Variants in LEFTY2 observed in about 807,000 individuals in gnomAD.
LEFTY2 encodes the protein left-right determination factor 2.
In LEFTY2, 10 loss-of-function variants were observed where a neutral mutation model predicts 26.4. The ratio of observed to expected loss-of-function variants is 0.38; its 90% confidence interval spans 0.23 to 0.64. LEFTY2 has a LOEUF of 0.64. LEFTY2 is among the 30% of genes least tolerant of loss of function. LEFTY2 has a pLI of 0.56. For synonymous variants in LEFTY2, 204 were observed against 234.1 expected (o/e 0.87, Z 1.17); for missense variants, 407 against 502.1 (o/e 0.81, Z 1.81).
Position 225,937,390 on chromosome 1 carries a change from C to T in LEFTY2, c.*51G>A. 1.9e-6 allele frequency: 3 copies of T among 1,612,630 alleles called. No homozygotes were observed. In the South Asian group the frequency reaches 3.3e-5, roughly 18 times the overall value. On this transcript the variant is annotated 3_prime_UTR_variant, in exon 4 of 4. Transcript: ENST00000366820. ...TATAAAGTTAAGACCTACATTAAGA[C>T]CACCTCTATGCACACGTTCAGTTAG...
rs1672234823 is a variant in LEFTY2, at chr1:225,939,237, T to C, written c.737+124A>G. 2.1e-6 allele frequency: 3 copies of C among 1,448,396 alleles called. No homozygotes were observed. Among genetic ancestry groups the C allele is most frequent in the Non-Finnish European group, 1.9e-6 (2 of 1,061,240 alleles). The allele number at this position is 1,448,396 out of a possible 1,614,324, so 89.7% of individuals were successfully genotyped here. A position where few individuals can be genotyped will look rare whatever the true frequency, so the allele number is the denominator to read the frequency against. ...GGCAATCGCTGGCATCCTGGGACAG[T>C]CTGCACCGCGCTCTCCCTACCCCTA... On this transcript the variant is annotated intron_variant, in intron 3 of 3. Coordinates refer to ENST00000366820, the MANE Select transcript of LEFTY2 (RefSeq NM_003240.5). The surrounding 1 kb of genome is among the most constrained non-coding windows in gnomAD (Gnocchi z 4.1).
In LEFTY2 at chr1:225,939,459, G is replaced by A. The variant is rs780082623; in HGVS notation, c.639C>T (p.Ser213=). The change falls in exon 3 of 4, where the codon TCC becomes TCT. Residue 213 remains serine (S), a synonymous_variant. Transcript: ENST00000366820. This position sits in a 1 kb window ranked among gnomAD's most constrained non-coding sequence, Gnocchi z 4.1. ...CAAAGCGGACCAGCTTGTGGGCGCCGGACGCCAGCGGGCCCAGATGCTCCC... is the reference window on the plus strand; with the variant it reads ...CAAAGCGGACCAGCTTGTGGGCGCCAGACGCCAGCGGGCCCAGATGCTCCC... The part of the protein sequence containing the change: ...VQREHLGPLA[S]GAHKLVRFAS... 118 of 1,610,296 alleles carry A rather than the reference G, an allele frequency of 7.3e-5. No homozygotes were observed. The Admixed American group carries it at 1.7e-3, about 23-fold the overall frequency.
In LEFTY2 at chr1:225,937,212, G is replaced by A. The variant is rs6662343; in HGVS notation, c.*229C>T. 6.5e-3 allele frequency: 4,173 copies of A among 638,486 alleles called. 135 individuals are homozygous for A. The African/African-American group carries it at 0.067, about 10-fold the overall frequency. The allele number at this position is 638,486 out of a possible 1,614,324, so 39.6% of individuals were successfully genotyped here. A position where few individuals can be genotyped will look rare whatever the true frequency, so the allele number is the denominator to read the frequency against. ...CTCAGCTGTATCTTGTAATCAGCAT[G>A]CCAGCATTTCCTACTAGAGCTCAGC... is the stretch of plus-strand genomic sequence containing the variant. On this transcript the variant is annotated 3_prime_UTR_variant, in exon 4 of 4. Transcript: ENST00000366820.
chr1:225,941,045 C>A lies in LEFTY2; in HGVS notation c.96G>T (p.Leu32=), dbSNP rs1208138430. The A allele has an allele frequency of 1.2e-6, 2 of 1,612,116 alleles. No individual in the cohort carries two copies. The highest frequency in any genetic ancestry group is 1.7e-6 in the Non-Finnish European group (2 of 1,179,548). ...LTEEQLLGSL[L]RQLQLSEVPV... Reference sequence around the variant, plus strand: ...GCACCTCGCTGAGCTGCAGCTGCCGCAGCAGGCTGCCCAGGAGCTGCTCCT... The same window carrying A: ...GCACCTCGCTGAGCTGCAGCTGCCGAAGCAGGCTGCCCAGGAGCTGCTCCT... Residue 32 remains leucine, a synonymous_variant, in exon 1 of 4, where the codon CTG becomes CTT. Coordinates refer to ENST00000366820, the MANE Select transcript of LEFTY2 (RefSeq NM_003240.5).
At position 225,940,884 on chromosome 1, in the gene LEFTY2, G is replaced by T; in HGVS notation, c.250+7C>A. The T allele has an allele frequency of 6.2e-7, 1 of 1,613,422 alleles. No individual in the cohort carries two copies. On this transcript the variant is annotated splice_region_variant and intron_variant, in intron 1 of 3. Coordinates refer to ENST00000366820, the MANE Select transcript of LEFTY2 (RefSeq NM_003240.5). Reference sequence around the variant, plus strand: ...GGACCGGGGCCAGCAGGGAGGGAGGGTCTCACCTCGGAAGCTCTGGCTGAA... The same window carrying T: ...GGACCGGGGCCAGCAGGGAGGGAGGTTCTCACCTCGGAAGCTCTGGCTGAA...
At chr1:225,940,604 C>T (rs568936165) in intron 1 of LEFTY2, among the ~76,000 whole-genome samples, 6 of 152,210 alleles carry the variant, frequency 3.9e-5, no homozygotes, top group South Asian at 4.1e-4. Context: ...CACTCACCTG[C>T]TCCCCCAGCT....
chr1:225,936,767 CAGGGGTAGGT>C lies in LEFTY2; in HGVS notation c.*664_*673del, dbSNP rs887813377. 1 of 153,412 alleles carries C rather than the reference CAGGGGTAGGT, an allele frequency of 6.5e-6. No homozygotes were observed. Among genetic ancestry groups the C allele is most frequent in the African/African-American group, 2.4e-5 (1 of 41,450 alleles). 9.5% of individuals were successfully genotyped at this position (153,412 alleles called of 1,614,324 possible). ...AAGGCTCAGTCTCCAGAGGAGTGGG[CAGGGGTAGGT>C]AGGGGCTGTCTGATCCCCAGGGCAA... On this transcript the variant is annotated 3_prime_UTR_variant, in exon 4 of 4. Coordinates refer to ENST00000366820, the MANE Select transcript of LEFTY2 (RefSeq NM_003240.5).
Position 225,937,057 on chromosome 1 carries a change from G to T in LEFTY2, c.*384C>A, listed in dbSNP as rs1362401176. The T allele has an allele frequency of 1.8e-5, 6 of 332,496 alleles. No homozygotes were observed. Among genetic ancestry groups the T allele is most frequent in the Non-Finnish European group, 2.9e-5 (5 of 175,216 alleles). The allele number at this position is 332,496 out of a possible 1,614,324, so 20.6% of individuals were successfully genotyped here. On this transcript the variant is annotated 3_prime_UTR_variant, in exon 4 of 4. Transcript: ENST00000366820. ...ATTTGGGGGAAATAGAGATTTGAAG[G>T]TTTTAATTCCTCATATAACACAGCA... is the stretch of plus-strand genomic sequence containing the variant.
At position 225,939,622 on chromosome 1, in the gene LEFTY2, A is replaced by G; in HGVS notation, c.498-22T>C. On this transcript the variant is annotated intron_variant, in intron 2 of 3. Coordinates refer to ENST00000366820, the MANE Select transcript of LEFTY2 (RefSeq NM_003240.5). The surrounding 1 kb of genome is among the most constrained non-coding windows in gnomAD (Gnocchi z 4.1). ...CAGCCTGAGACATGATACACACGAC[A>G]CGGAGACCCAGCGCCGCTTGAGGGC... 2 of 1,612,312 alleles carry G rather than the reference A, an allele frequency of 1.2e-6. No homozygotes were observed. The highest frequency in any genetic ancestry group is 1.7e-6 in the Non-Finnish European group (2 of 1,179,760).
intron 3 of LEFTY2, 146 bp from the exon 4 acceptor site, chr1:225,937,950 A>T: frequency 8.9e-7 from 1 of 1,119,242 alleles, no homozygotes; most frequent in South Asian, 1.7e-5. Context: ...TGAGAAGATG[A>T]ATAAACATAT....
At chr1:225,938,806 G>A (rs1210882111) in intron 3 of LEFTY2, among the ~76,000 whole-genome samples, 1 of 151,670 alleles carries the variant, frequency 6.6e-6, no homozygotes, top group African/African-American at 2.4e-5. Flanking sequence ...TTACAGGCAT[G>A]AGCCACTGCG....
intron 1 of LEFTY2, 120 bp downstream of exon 1, chr1:225,940,771 C>T (rs747853284): frequency 4.7e-6 from 7 of 1,479,118 alleles, no homozygotes; most frequent in Non-Finnish European, 6.5e-6. Context: ...TGGACCGTGG[C>T]CCTCACACAG....
chr1:225,940,176 A>T (rs1403910594), intron 1 of LEFTY2, 174 bp from the exon 2 acceptor site: 15 of 1,091,320 alleles, frequency 1.4e-5, no homozygotes, highest in Non-Finnish European at 2.0e-5. Context: ...AACAATTTCC[A>T]TCCAGCAGGC....
Position 225,939,774 on chromosome 1 carries a change from G to C in LEFTY2, c.479C>G (p.Thr160Ser), listed in dbSNP as rs1672263397. 9.4e-6 allele frequency: 15 copies of C among 1,588,992 alleles called. No homozygotes were observed. Among genetic ancestry groups the C allele is most frequent in the Non-Finnish European group, 1.2e-5 (14 of 1,170,998 alleles). Residue 160 changes from threonine to serine, a missense_variant, in exon 2 of 4, where the codon ACC becomes AGC. Coordinates refer to ENST00000366820, the MANE Select transcript of LEFTY2 (RefSeq NM_003240.5). This position sits in a 1 kb window ranked among gnomAD's most constrained non-coding sequence, Gnocchi z 4.1. ...LRVRDDGSNR[T>S]SLIDSRLVSV... Reference sequence around the variant, plus strand: ...CCCCCACCTGGAGTCGATGAGGGAGGTGCGGTTGGAGCCGTCGTCGCGGAC... The same window carrying C: ...CCCCCACCTGGAGTCGATGAGGGAGCTGCGGTTGGAGCCGTCGTCGCGGAC...
intron 1 of LEFTY2, 21 bp downstream of exon 1, chr1:225,940,870 A>G (rs1672305561): frequency 1.9e-6 from 3 of 1,613,112 alleles, no homozygotes; most frequent in East Asian, 2.2e-5. Context: ...GACCGGGGCC[A>G]GCAGGGAGGG....
rs754829336 is a variant in LEFTY2, at chr1:225,939,853, C to G, written c.400G>C (p.Gly134Arg). ...PVPKAALHRH[G>R]RLSPRSAQAR... ...TGGGCGCTGCGCGGGGACAGCCGCCCGTGCCTGTGCAGCGCGGCCTTGGGG... is the reference window on the plus strand; with the variant it reads ...TGGGCGCTGCGCGGGGACAGCCGCCGGTGCCTGTGCAGCGCGGCCTTGGGG... Residue 134 changes from glycine (G) to arginine (R), a missense_variant, in exon 2 of 4, where the codon GGG becomes CGG. Coordinates refer to ENST00000366820, the MANE Select transcript of LEFTY2 (RefSeq NM_003240.5). The surrounding 1 kb of genome is among the most constrained non-coding windows in gnomAD (Gnocchi z 4.1). 1 of 1,544,818 alleles carries G rather than the reference C, an allele frequency of 6.5e-7. No individual in the cohort carries two copies. The highest frequency in any genetic ancestry group is 1.2e-5 in the South Asian group (1 of 85,228).
intron 3 of LEFTY2, among the ~76,000 whole-genome samples, chr1:225,938,672 G>T (rs1434066311): frequency 1.3e-5 from 2 of 150,544 alleles, no homozygotes; most frequent in East Asian, 3.9e-4. Flanking sequence ...TTTTTTTGTC[G>T]TTTCTTTAAA....
chr1:225,941,063 CT>C lies in LEFTY2; in HGVS notation c.77del (p.Gln26ArgfsTer32). 1 of 1,609,356 alleles carries C rather than the reference CT, an allele frequency of 6.2e-7. No individual in the cohort carries two copies. The highest frequency in any genetic ancestry group is 8.5e-7 in the Non-Finnish European group (1 of 1,178,138). On this transcript the variant is annotated frameshift_variant, in exon 1 of 4. Transcript: ENST00000366820. LOFTEE classifies it high-confidence loss of function. ...GCTGCCGCAGCAGGCTGCCCAGGAG[CT>C]GCTCCTCGGTCAGGGCCGCCCCGGG... Reference protein sequence around the residue: ...AGPGAALTEEQLLGSLLRQLQ... With the variant: ...AGPGAALTEEXLLGSLLRQLQ...
chr1:225,938,034 T>G (rs1672202292), intron 3 of LEFTY2, among the ~76,000 whole-genome samples: 1 of 149,318 alleles, frequency 6.7e-6, no homozygotes, highest in African/African-American at 2.4e-5. Flanking sequence ...ACTAGGTACT[T>G]CACATGTATT....
Sources: allele counts gnomAD v4.1 joint callset (sites outside exome capture counted in the v4.1 genomes callset), GRCh38; gene constraint gnomAD v4.1.1; non-coding constraint Gnocchi (gnomAD v3.1); transcripts MANE v1.5; gene names NCBI Gene and HGNC (gene_info 2026-07-23, HGNC 2026-07-21).